NTM: variants seen among roughly 807,000 people sequenced by gnomAD.
The protein encoded by NTM is IgLON family member 2.
A neutral mutation model predicts 42.1 loss-of-function variants in NTM; 13 were observed. The observed-to-expected ratio is 0.31, with a 90% CI of 0.20 to 0.49. NTM has a LOEUF of 0.49. Among genes scored for constraint, NTM ranks in the 20% least tolerant of loss-of-function variants. NTM has a pLI of 0.99. For synonymous variants in NTM, 187 were observed against 179.2 expected, an observed-to-expected ratio of 1.04 and a Z score of -0.35; for missense variants, 373 against 452.8, an observed-to-expected ratio of 0.82 and a Z score of 1.60.
chr11:131,650,649 A>T (rs1276263781), intron 1 of NTM, among the ~76,000 whole-genome samples: 1 of 152,204 alleles, frequency 6.6e-6, no homozygotes, highest in Non-Finnish European at 1.5e-5. Flanking sequence ...CACCATCATC[A>T]TCTATGTAAG....
At chr11:132,246,987 T>G (rs2091271977) in intron 4 of NTM, among the ~76,000 whole-genome samples, 1 of 152,198 alleles carries the variant, frequency 6.6e-6, no homozygotes, top group African/African-American at 2.4e-5. Flanking sequence ...TTCCCTCTGC[T>G]GAGAAAACCA....
chr11:131,463,670 CATTGTCCTACCTTT>C (rs1251539495), intron 1 of NTM, among the ~76,000 whole-genome samples: 3 of 152,220 alleles, frequency 2.0e-5, no homozygotes, highest in African/African-American at 7.2e-5. Flanking sequence ...ACTAGCTTTA[CATTGTCCTACCTTT>C]ATAAACCTGG....
At chr11:131,431,805 G>A (rs773528778) in intron 1 of NTM, among the ~76,000 whole-genome samples, 1 of 152,048 alleles carries the variant, frequency 6.6e-6, no homozygotes, top group Non-Finnish European at 1.5e-5. Flanking sequence ...ACAGCCACTG[G>A]GTGAGGGTCT....
In NTM at chr11:131,628,724, T is replaced by C. The variant is rs550403251; in HGVS notation, c.82+257836T>C. 3.9e-5 allele frequency among the ~76,000 whole-genome samples: 6 copies of C among 152,328 alleles called. No homozygotes were observed. The East Asian group carries it at 9.7e-4, about 25-fold the overall frequency. On this transcript the variant is annotated intron_variant, in intron 1 of 8. Coordinates refer to ENST00000683400, the MANE Select transcript of NTM (RefSeq NM_001352005.2). ...TGGTGCCTCCAGACCAAGGGACACC[T>C]GAGTTGAAAACTGGAAAGGACCTTC...
chr11:132,138,252 A>G (rs1156410496), intron 2 of NTM, among the ~76,000 whole-genome samples: 2 of 152,224 alleles, frequency 1.3e-5, no homozygotes, highest in Non-Finnish European at 2.9e-5. Context: ...TAAAGCATGG[A>G]CATCCTGCTT....
At chr11:131,598,826 C>CTTT (rs1309659994) in intron 1 of NTM, among the ~76,000 whole-genome samples, 2 of 40,380 alleles carry the variant, frequency 5.0e-5, no homozygotes, top group African/African-American at 1.4e-4. Flanking sequence ...TTCTTTCTTT[C>CTTT]TTCTTTCTTT....
chr11:131,552,733 G>A (rs1334125215), intron 1 of NTM, among the ~76,000 whole-genome samples: 2 of 150,214 alleles, frequency 1.3e-5, no homozygotes, highest in African/African-American at 4.9e-5. Flanking sequence ...CAGGAGAATG[G>A]TGTGAACCCG....
chr11:132,132,331 C>T (rs1006632306), intron 2 of NTM, among the ~76,000 whole-genome samples: 5 of 152,146 alleles, frequency 3.3e-5, no homozygotes, highest in Non-Finnish European at 7.3e-5. Flanking sequence ...TTTCTGTATC[C>T]GTCCGGTGTT....
intron 3 of NTM, among the ~76,000 whole-genome samples, chr11:132,185,932 C>T (rs1224396641): frequency 6.6e-6 from 1 of 152,210 alleles, no homozygotes; most frequent in African/African-American, 2.4e-5. Flanking sequence ...GACAGCTGCT[C>T]TGGACTTGAT....
intron 1 of NTM, among the ~76,000 whole-genome samples, chr11:131,794,078 T>C (rs964616046): frequency 6.6e-6 from 1 of 152,216 alleles, no homozygotes. Context: ...ACTGAACTCA[T>C]GGACGGTTCT....
chr11:131,416,766 G>A (rs1432642967), intron 1 of NTM, among the ~76,000 whole-genome samples: 2 of 152,154 alleles, frequency 1.3e-5, no homozygotes, highest in Non-Finnish European at 2.9e-5. Context: ...TTAAAGTCTT[G>A]TTTTTGATAT....
intron 1 of NTM, among the ~76,000 whole-genome samples, chr11:131,724,766 G>A (rs182483993): frequency 2.0e-5 from 3 of 152,242 alleles, no homozygotes. Flanking sequence ...ATGCTGGGGT[G>A]CTGGATCTCG....
rs192535419 is a variant in NTM, at chr11:132,296,314, G to C, written c.527-11375G>C. 2.8e-4 allele frequency among the ~76,000 whole-genome samples: 43 copies of C among 152,280 alleles called. 1 individual carries two copies. Among genetic ancestry groups the C allele is most frequent in the African/African-American group, 9.9e-4 (41 of 41,554 alleles). On this transcript the variant is annotated intron_variant, in intron 4 of 8. Transcript: ENST00000683400. ...GGCATTTAAAAGAATAGGTTTACCT[G>C]GGGAGGGGGTAGAAGTAGTAGAGGA...
intron 2 of NTM, among the ~76,000 whole-genome samples, chr11:132,127,484 C>T (rs751218572): frequency 6.6e-6 from 1 of 152,210 alleles, no homozygotes; most frequent in Non-Finnish European, 1.5e-5. Flanking sequence ...AACACAGGTC[C>T]CCTGTGACAT....
chr11:131,769,754 C>G (rs903863072), intron 1 of NTM: 2 of 160,184 alleles, frequency 1.2e-5, no homozygotes, highest in African/African-American at 2.4e-5. Context: ...AAATGCTGTG[C>G]TTTTTCCACC....
rs2090582774 is a variant in NTM, at chr11:132,243,605, G to A, written c.526+31458G>A. Among the ~76,000 whole-genome samples the A allele has an allele frequency of 2.0e-5, 3 of 152,320 alleles. No individual in the cohort carries two copies. In the South Asian group the frequency reaches 6.2e-4, roughly 32 times the overall value. On this transcript the variant is annotated intron_variant, in intron 4 of 8. Transcript: ENST00000683400. ...TCATCCTTAGCCCATGCCTGGAGCA[G>A]GGGGCCAGGAAATGAGAGGTGGTAT...
At chr11:131,708,157 T>C (rs1212611377) in intron 1 of NTM, among the ~76,000 whole-genome samples, 2 of 152,030 alleles carry the variant, frequency 1.3e-5, no homozygotes, top group Non-Finnish European at 1.5e-5. Flanking sequence ...AAACAATCAA[T>C]GTGGGTAAAT....
chr11:131,521,006 TAAG>T (rs1367655850), intron 1 of NTM, among the ~76,000 whole-genome samples: 1 of 152,026 alleles, frequency 6.6e-6, no homozygotes, highest in Non-Finnish European at 1.5e-5. Flanking sequence ...AGATCACGGG[TAAG>T]AAGAAGGAAG....
chr11:132,061,692 T>G (rs2080701982), intron 2 of NTM, among the ~76,000 whole-genome samples: 1 of 152,154 alleles, frequency 6.6e-6, no homozygotes, highest in Admixed American at 6.5e-5. Flanking sequence ...CCTTCTCCTA[T>G]GTTCCTGGGC....
Sources: gnomAD v4.1 joint callset for allele counts (sites outside exome capture counted in the v4.1 genomes callset) on GRCh38, gnomAD v4.1.1 for gene constraint, MANE v1.5 for transcripts, NCBI Gene and HGNC (gene_info 2026-07-23, HGNC 2026-07-21) for gene names.